Variants in TSPAN9 observed in about 807,000 individuals in gnomAD.
The protein encoded by TSPAN9 is tetraspanin 9.
In TSPAN9, 16 loss-of-function variants were observed where a neutral mutation model predicts 31.0. That is an observed-to-expected ratio of 0.52 (90% CI 0.35 to 0.78). The LOEUF (loss-of-function observed/expected upper bound fraction) is 0.78. TSPAN9 is among the 30% of genes least tolerant of loss of function. TSPAN9 has a pLI of 0.01. For synonymous variants in TSPAN9, 145 were observed against 121.6 expected (o/e 1.19, Z -1.27); for missense variants, 272 against 312.5 (o/e 0.87, Z 0.98).
intron 2 of TSPAN9, among the ~76,000 whole-genome samples, chr12:3,101,672 C>T (rs1481647517): frequency 6.6e-6 from 1 of 152,202 alleles, no homozygotes; most frequent in Admixed American, 6.5e-5. Flanking sequence ...TGTCTGTGCT[C>T]ATCTCCATCC....
chr12:3,135,508 C>T (rs1293576210), intron 2 of TSPAN9, among the ~76,000 whole-genome samples: 1 of 152,168 alleles, frequency 6.6e-6, no homozygotes, highest in Non-Finnish European at 1.5e-5. Context: ...CTTACACCCT[C>T]TGCTTCCTGC....
At position 3,283,033 on chromosome 12, in the gene TSPAN9, C is replaced by T. The variant is rs3741942; in HGVS notation, c.649-12C>T. On this transcript the variant is annotated splice_polypyrimidine_tract_variant and intron_variant, in intron 8 of 8. Transcript: ENST00000011898. ...GCAGCTCCTGCCTCAGGCCCCTCCC[C>T]GTGTCTTTCAGATCCTGGGCATGGC... 1.9e-3 allele frequency: 3,121 copies of T among 1,607,164 alleles called. 63 individuals are homozygous for T. The African/African-American group carries it at 0.036, about 18-fold the overall frequency.
At chr12:3,239,741 C>T (rs73045497) in intron 3 of TSPAN9, among the ~76,000 whole-genome samples, 10,597 of 152,176 alleles carry the variant, frequency 0.07, 416 homozygotes, top group Non-Finnish European at 0.075. Flanking sequence ...CCCTCCTGGA[C>T]TTATCCTTCT....
intron 2 of TSPAN9, among the ~76,000 whole-genome samples, chr12:3,150,815 C>T (rs549921225): frequency 1.1e-4 from 16 of 152,168 alleles, no homozygotes; most frequent in Admixed American, 2.6e-4. Context: ...GGAGCCCTCC[C>T]CTGTCCTGTG....
intron 2 of TSPAN9, among the ~76,000 whole-genome samples, chr12:3,142,793 A>G (rs1385807202): frequency 1.3e-5 from 2 of 152,210 alleles, no homozygotes; most frequent in Non-Finnish European, 2.9e-5. Context: ...TCATAGGACA[A>G]CTGTCAAAAC....
chr12:3,088,718 G>C (rs2098302081), intron 2 of TSPAN9, among the ~76,000 whole-genome samples: 1 of 152,178 alleles, frequency 6.6e-6, no homozygotes, highest in Non-Finnish European at 1.5e-5. Flanking sequence ...ATCAGGCTGG[G>C]CCTTGAGGGA....
At chr12:3,179,641 G>A (rs1008120854) in intron 2 of TSPAN9, among the ~76,000 whole-genome samples, 3 of 152,140 alleles carry the variant, frequency 2.0e-5, no homozygotes, top group African/African-American at 7.2e-5. Context: ...AGGTATAGTT[G>A]TATTCTGAGC....
chr12:3,265,852 GCT>G (rs1166208086), intron 3 of TSPAN9, among the ~76,000 whole-genome samples: 2 of 152,222 alleles, frequency 1.3e-5, no homozygotes, highest in African/African-American at 4.8e-5. Context: ...TAAAATCCCA[GCT>G]CTGTCAGCTC....
intron 2 of TSPAN9, among the ~76,000 whole-genome samples, chr12:3,135,607 T>C (rs1379535518): frequency 6.6e-6 from 1 of 152,140 alleles, no homozygotes; most frequent in Non-Finnish European, 1.5e-5. Flanking sequence ...CTTGGTGGCC[T>C]TCTGGCTTGT....
intron 8 of TSPAN9, chr12:3,282,060 T>G: frequency 1.5e-6 from 1 of 684,398 alleles, no homozygotes; most frequent in Non-Finnish European, 2.7e-6. Flanking sequence ...GCTGGGATAT[T>G]GAAGCTGGAG....
chr12:3,095,523 C>T (rs1333881868), intron 2 of TSPAN9, among the ~76,000 whole-genome samples: 2 of 124,150 alleles, frequency 1.6e-5, no homozygotes, highest in Admixed American at 7.5e-5. Flanking sequence ...ACCTCCCTCC[C>T]GGACGGGGCG....
chr12:3,164,476 C>G (rs77108068), intron 2 of TSPAN9, among the ~76,000 whole-genome samples: 3,687 of 152,298 alleles, frequency 0.024, 149 homozygotes, highest in African/African-American at 0.084. Flanking sequence ...CCAGCTCACT[C>G]TGGTCTTCTT....
In TSPAN9 at chr12:3,278,553, G is replaced by C; in HGVS notation, c.196G>C (p.Val66Leu). 1 of 1,614,216 alleles carries C rather than the reference G, an allele frequency of 6.2e-7. No individual in the cohort carries two copies. Among genetic ancestry groups the C allele is most frequent in the Non-Finnish European group, 8.5e-7 (1 of 1,180,036 alleles). Residue 66 changes from valine to leucine, a missense_variant, in exon 4 of 9, where the codon GTG (valine) becomes CTG (leucine). Val to Leu is a conservative substitution (Grantham distance 32, BLOSUM62 1). Coordinates refer to ENST00000011898, the MANE Select transcript of TSPAN9 (RefSeq NM_006675.5). The stretch of plus-strand genomic sequence containing the variant: ...CATTGCCATAGGCACCATTGTCATG[G>C]TGACGGGCTTCCTCGGCTGCCTGGG... ...LVIAIGTIVMVTGFLGCLGAI... is the reference protein window; with the variant it reads ...LVIAIGTIVMLTGFLGCLGAI...
At chr12:3,078,469 T>C (rs1244479698) in intron 1 of TSPAN9, among the ~76,000 whole-genome samples, 2 of 152,190 alleles carry the variant, frequency 1.3e-5, no homozygotes, top group Admixed American at 6.5e-5. Flanking sequence ...CAGAGAATGT[T>C]GAATATATGC....
chr12:3,178,183 T>TC (rs1242644423), intron 2 of TSPAN9, among the ~76,000 whole-genome samples: 1 of 152,160 alleles, frequency 6.6e-6, no homozygotes, highest in Non-Finnish European at 1.5e-5. Flanking sequence ...ACGTATCCAC[T>TC]CCCCATACAG....
chr12:3,161,801 A>ATCTG (rs1445862957), intron 2 of TSPAN9, among the ~76,000 whole-genome samples: 1 of 150,938 alleles, frequency 6.6e-6, no homozygotes, highest in Admixed American at 6.6e-5. Context: ...CTATCTATCT[A>ATCTG]TCTATCTATC....
Position 3,222,884 on chromosome 12 carries a change from C to T in TSPAN9, c.63+21628C>T, listed in dbSNP as rs562913507. On this transcript the variant is annotated intron_variant, in intron 3 of 8. Transcript: ENST00000011898. ...TCCTCACAGCAGGTTTGTCCTATGG[C>T]GGAGATCCCGAGGGGGCCCTAAGTC... Among the ~76,000 whole-genome samples the T allele has an allele frequency of 5.9e-5, 9 of 151,400 alleles. No homozygotes were observed. The East Asian group carries it at 7.8e-4, about 13-fold the overall frequency.
intron 2 of TSPAN9, among the ~76,000 whole-genome samples, chr12:3,127,095 A>T (rs2098327665): frequency 6.6e-6 from 1 of 151,440 alleles, no homozygotes; most frequent in Non-Finnish European, 1.5e-5. Flanking sequence ...CACTAAATTT[A>T]TAAATTTATA....
At chr12:3,242,077 A>G (rs77737253) in intron 3 of TSPAN9, among the ~76,000 whole-genome samples, 11,495 of 152,276 alleles carry the variant, frequency 0.075, 529 homozygotes, top group Middle Eastern at 0.14. Context: ...TGCCACCTCT[A>G]ATGTTCCTGA....
Sources: allele counts gnomAD v4.1 joint callset (sites outside exome capture counted in the v4.1 genomes callset), GRCh38; gene constraint gnomAD v4.1.1; transcripts MANE v1.5; gene names NCBI Gene and HGNC (gene_info 2026-07-23, HGNC 2026-07-21).